LUZP2: variants seen among roughly 807,000 people sequenced by gnomAD.
LUZP2 encodes leucine zipper protein 2.
LUZP2 carries 52 observed loss-of-function variants against 51.6 expected under a neutral mutation model. That is an observed-to-expected ratio of 1.01 (90% CI 0.81 to 1.27). LUZP2 has a LOEUF of 1.27. LUZP2 is among the 50% of genes most tolerant of loss of function. The probability of loss-of-function intolerance (pLI) is 0.00; values close to 1 mark genes in which losing one functional copy is unlikely to be tolerated. For missense variants in LUZP2, 436 were observed against 395.4 expected, an observed-to-expected ratio of 1.10 and a Z score of -0.87; for synonymous variants, 154 against 137.3, an observed-to-expected ratio of 1.12 and a Z score of -0.85.
At chr11:24,912,685 C>T (rs1004155432) in intron 6 of LUZP2, among the ~76,000 whole-genome samples, 5 of 152,096 alleles carry the variant, frequency 3.3e-5, no homozygotes, top group Admixed American at 6.6e-5. Context: ...TGGTGTGCGC[C>T]TGTAGTCCCA....
intron 7 of LUZP2, among the ~76,000 whole-genome samples, chr11:24,957,847 G>A (rs1371114337): frequency 2.0e-5 from 3 of 152,046 alleles, no homozygotes; most frequent in African/African-American, 7.2e-5. Flanking sequence ...CTGGTGCACT[G>A]CACCCACTAA....
chr11:24,521,452 C>G (rs1271585601), intron 1 of LUZP2, among the ~76,000 whole-genome samples: 1 of 151,098 alleles, frequency 6.6e-6, no homozygotes, highest in Non-Finnish European at 1.5e-5. Context: ...TTAAAAGAAG[C>G]AGGACTCAGT....
intron 10 of LUZP2, among the ~76,000 whole-genome samples, chr11:25,068,334 G>A (rs1050272326): frequency 1.3e-5 from 2 of 151,734 alleles, no homozygotes; most frequent in Non-Finnish European, 2.9e-5. Context: ...AAATAAAAAG[G>A]TACTTTTATG....
At chr11:24,572,248 T>G (rs899851004) in intron 1 of LUZP2, among the ~76,000 whole-genome samples, 1 of 152,008 alleles carries the variant, frequency 6.6e-6, no homozygotes, top group African/African-American at 2.4e-5. Context: ...CTGTAAAAAT[T>G]TATTTTATCC....
chr11:24,528,324 C>G (rs1174495055), intron 1 of LUZP2, among the ~76,000 whole-genome samples: 1 of 150,992 alleles, frequency 6.6e-6, no homozygotes, highest in Non-Finnish European at 1.5e-5. Context: ...CTTGGATATA[C>G]TCATGTACAA....
intron 7 of LUZP2, among the ~76,000 whole-genome samples, chr11:24,946,588 G>A (rs1854908173): frequency 6.6e-6 from 1 of 151,858 alleles, no homozygotes; most frequent in South Asian, 2.1e-4. Context: ...TTCTAGTGAA[G>A]AATAGAAATC....
At chr11:24,745,672 A>T (rs1590439201) in intron 4 of LUZP2, among the ~76,000 whole-genome samples, 3 of 151,648 alleles carry the variant, frequency 2.0e-5, no homozygotes, top group Middle Eastern at 3.4e-3. Flanking sequence ...TTGTTGTTTG[A>T]TTTGTTTTGT....
intron 1 of LUZP2, among the ~76,000 whole-genome samples, chr11:24,711,720 A>G (rs2716456): frequency 0.42 from 63,762 of 151,966 alleles, 13,964 homozygotes; most frequent in East Asian, 0.76. Context: ...TAAAGGCAAC[A>G]TAGTTTTTTC....
At chr11:24,735,389 G>A (rs947081140) in intron 3 of LUZP2, among the ~76,000 whole-genome samples, 2 of 151,848 alleles carry the variant, frequency 1.3e-5, no homozygotes, top group African/African-American at 4.8e-5. Context: ...AATAGGACAG[G>A]ACCCTGAAAT....
chr11:24,894,029 T>G (rs1852940958), intron 5 of LUZP2, among the ~76,000 whole-genome samples: 1 of 152,154 alleles, frequency 6.6e-6, no homozygotes, highest in South Asian at 2.1e-4. Flanking sequence ...AGGTGAGTTC[T>G]TTGAAAGCAG....
intron 5 of LUZP2, among the ~76,000 whole-genome samples, chr11:24,773,113 G>A (rs1464012984): frequency 1.3e-5 from 2 of 148,828 alleles, no homozygotes; most frequent in African/African-American, 2.5e-5. Context: ...CAAGGAGAAA[G>A]CATTTTATTA....
At chr11:24,745,258 T>C (rs1350297407) in intron 4 of LUZP2, among the ~76,000 whole-genome samples, 1 of 152,178 alleles carries the variant, frequency 6.6e-6, no homozygotes, top group African/African-American at 2.4e-5. Context: ...ATTCATTGTT[T>C]CTTTGTTGAC....
chr11:25,060,614 T>C (rs1191968324), intron 10 of LUZP2, among the ~76,000 whole-genome samples: 1 of 152,208 alleles, frequency 6.6e-6, no homozygotes, highest in Admixed American at 6.5e-5. Context: ...TAAATATCAT[T>C]ATCATCATTT....
At chr11:24,872,220 T>G (rs1852100403) in intron 5 of LUZP2, among the ~76,000 whole-genome samples, 2 of 152,260 alleles carry the variant, frequency 1.3e-5, no homozygotes, top group South Asian at 4.1e-4. Context: ...CAGTCTTTAC[T>G]TACAATTACT....
rs78771319 is a variant in LUZP2, at chr11:24,693,262, G to T, written c.63-35907G>T. Among the ~76,000 whole-genome samples the T allele has an allele frequency of 4.8e-3, 732 of 151,448 alleles. 12 individuals are homozygous for T. Among genetic ancestry groups the T allele is most frequent in the African/African-American group, 0.017 (715 of 41,410 alleles). On this transcript the variant is annotated intron_variant, in intron 1 of 11. Coordinates refer to ENST00000336930, the MANE Select transcript of LUZP2 (RefSeq NM_001009909.4). ...TTTATACAGCATTGGGTGATTTATT[G>T]TATGACTATGCCACTAGAATGGCAA...
intron 1 of LUZP2, among the ~76,000 whole-genome samples, chr11:24,616,111 G>C (rs1854277347): frequency 6.6e-6 from 1 of 151,358 alleles, no homozygotes; most frequent in South Asian, 2.1e-4. Context: ...TTTTATACCA[G>C]TATATAGTTT....
chr11:24,761,418 T>A (rs1325901424), intron 4 of LUZP2, among the ~76,000 whole-genome samples: 2 of 152,100 alleles, frequency 1.3e-5, no homozygotes, highest in Non-Finnish European at 2.9e-5. Flanking sequence ...AGGTCCTAGC[T>A]CCAGTGTTAA....
In LUZP2 at chr11:24,670,345, C is replaced by A. The variant is rs1856363860; in HGVS notation, c.63-58824C>A. On this transcript the variant is annotated intron_variant, in intron 1 of 11. Coordinates refer to ENST00000336930, the MANE Select transcript of LUZP2 (RefSeq NM_001009909.4). ...CTATGGTCATAATAACAGTCACAGCCACTACAAGTTAACCCTAGAATGTTG... is the reference window on the plus strand; with the variant it reads ...CTATGGTCATAATAACAGTCACAGCAACTACAAGTTAACCCTAGAATGTTG... Among the ~76,000 whole-genome samples, 3 of 152,106 alleles carry A rather than the reference C, an allele frequency of 2.0e-5. No individual in the cohort carries two copies. In the South Asian group the frequency reaches 6.2e-4, roughly 32 times the overall value.
At chr11:25,025,756 C>G (rs558250362) in intron 9 of LUZP2, among the ~76,000 whole-genome samples, 28 of 152,244 alleles carry the variant, frequency 1.8e-4, no homozygotes, top group Admixed American at 3.9e-4. Context: ...GGATCTAGAA[C>G]TAGAAGTAGC....
Sources: allele counts gnomAD v4.1 joint callset (sites outside exome capture counted in the v4.1 genomes callset), GRCh38; gene constraint gnomAD v4.1.1; transcripts MANE v1.5; gene names NCBI Gene and HGNC (gene_info 2026-07-23, HGNC 2026-07-21).